Variants in SNX2 observed in about 807,000 individuals in gnomAD.
The protein encoded by SNX2 is sorting nexin 2.
In SNX2, 25 loss-of-function variants were observed where a neutral mutation model predicts 69.9. The observed-to-expected ratio is 0.36, with a 90% CI of 0.26 to 0.50. SNX2 has a LOEUF of 0.50. Ranked by LOEUF, SNX2 falls within the 20% of genes least tolerant of loss-of-function variation. The pLI is 0.97. For missense variants in SNX2, 551 were observed against 613.3 expected (o/e 0.90, Z 1.07); for synonymous variants, 229 against 200.4 (o/e 1.14, Z -1.20).
chr5:122,819,254 T>G (rs1753964352), intron 11 of SNX2, among the ~76,000 whole-genome samples: 1 of 152,192 alleles, frequency 6.6e-6, no homozygotes, highest in Admixed American at 6.5e-5. Flanking sequence ...ATAGAAAACA[T>G]TTATACATTT....
intron 1 of SNX2, among the ~76,000 whole-genome samples, chr5:122,782,000 A>C (rs780126154): frequency 6.6e-6 from 1 of 152,062 alleles, no homozygotes; most frequent in Non-Finnish European, 1.5e-5. Flanking sequence ...TGTCTTCGCA[A>C]CTCTACCACA....
chr5:122,789,056 T>C (rs1753152241), intron 1 of SNX2, among the ~76,000 whole-genome samples: 1 of 152,192 alleles, frequency 6.6e-6, no homozygotes, highest in Admixed American at 6.5e-5. Context: ...CTGGAGACTA[T>C]TGGGATTTTT....
At chr5:122,795,895 C>T (rs1308821619) in intron 2 of SNX2, among the ~76,000 whole-genome samples, 2 of 152,070 alleles carry the variant, frequency 1.3e-5, no homozygotes, top group Non-Finnish European at 2.9e-5. Context: ...TGGTGTAGTT[C>T]ATCCTAACTT....
At chr5:122,798,296 T>G (rs116620654) in intron 2 of SNX2, among the ~76,000 whole-genome samples, 1 of 152,328 alleles carries the variant, frequency 6.6e-6, no homozygotes, top group Non-Finnish European at 1.5e-5. Context: ...ATAGCCTGTT[T>G]CAACATATAT....
chr5:122,826,549 C>A, intron 12 of SNX2: 1 of 400,058 alleles, frequency 2.5e-6, no homozygotes, highest in Non-Finnish European at 3.4e-6. Context: ...CAACATTATC[C>A]CCCATATATA....
intron 1 of SNX2, among the ~76,000 whole-genome samples, chr5:122,788,277 A>T (rs754816626): frequency 1.3e-5 from 2 of 152,202 alleles, no homozygotes; most frequent in African/African-American, 2.4e-5. Flanking sequence ...CTGTAAAAAT[A>T]CGTTGTTTTT....
chr5:122,795,616 A>G (rs1753359652), intron 2 of SNX2: 1 of 353,802 alleles, frequency 2.8e-6, no homozygotes, highest in East Asian at 4.8e-5. Context: ...TAAATTGTAT[A>G]TTATAATTTG....
chr5:122,785,932 C>G (rs1345460183), intron 1 of SNX2, among the ~76,000 whole-genome samples: 2 of 152,140 alleles, frequency 1.3e-5, no homozygotes, highest in Non-Finnish European at 2.9e-5. Context: ...TACCTATTTA[C>G]TTGTTTTATC....
At chr5:122,776,647 T>G (rs889664064) in intron 1 of SNX2, among the ~76,000 whole-genome samples, 1 of 152,192 alleles carries the variant, frequency 6.6e-6, no homozygotes, top group Non-Finnish European at 1.5e-5. Context: ...AACATGTACA[T>G]GTGTTGAAAG....
intron 1 of SNX2, among the ~76,000 whole-genome samples, chr5:122,790,374 G>A (rs1383142460): frequency 1.3e-5 from 2 of 152,110 alleles, no homozygotes; most frequent in African/African-American, 4.8e-5. Flanking sequence ...ACCCACCTCA[G>A]CCTCCCAAAG....
At chr5:122,819,743 C>G (rs1753973107) in intron 11 of SNX2, among the ~76,000 whole-genome samples, 1 of 152,128 alleles carries the variant, frequency 6.6e-6, no homozygotes, top group African/African-American at 2.4e-5. Context: ...TTGAGGGGTA[C>G]TGGGTATTTA....
intron 12 of SNX2, among the ~76,000 whole-genome samples, chr5:122,827,058 A>AATTT (rs765405898): frequency 1.3e-5 from 2 of 152,100 alleles, no homozygotes; most frequent in Non-Finnish European, 2.9e-5. Flanking sequence ...TAGCACTGAT[A>AATTT]ATTTATTTTG....
chr5:122,827,237 T>C, intron 12 of SNX2, 142 bp from the exon 13 acceptor site: 1 of 645,314 alleles, frequency 1.5e-6, no homozygotes, highest in East Asian at 2.8e-5. Flanking sequence ...TTAAATGCAA[T>C]TTCTGTTGAT....
rs942997424 is a variant in SNX2 at position 122,775,342 on chromosome 5, C to A, written c.108+131C>A. 21 of 1,386,430 alleles carry A rather than the reference C, an allele frequency of 1.5e-5. No homozygotes were observed. The South Asian group carries it at 2.9e-4, about 19-fold the overall frequency. 85.9% of individuals were successfully genotyped at this position (1,386,430 alleles called of 1,614,324 possible). On this transcript the variant is annotated intron_variant, in intron 1 of 14. Coordinates refer to ENST00000379516, the MANE Select transcript of SNX2 (RefSeq NM_003100.4). Reference sequence around the variant, plus strand: ...CTTGGGGTGACACCTGTGACGCGAGCCCCACCTCCGGTGCCTGTCAGAGGG... The same window carrying A: ...CTTGGGGTGACACCTGTGACGCGAGACCCACCTCCGGTGCCTGTCAGAGGG...
chr5:122,795,877 G>C (rs1311485238), intron 2 of SNX2, among the ~76,000 whole-genome samples: 1 of 152,130 alleles, frequency 6.6e-6, no homozygotes, highest in Non-Finnish European at 1.5e-5. Flanking sequence ...TGATACAGGG[G>C]CAGGATTTGG....
At chr5:122,799,493 T>G (rs1903260) in intron 2 of SNX2, among the ~76,000 whole-genome samples, 199 bp from the exon 3 acceptor site, 1 of 152,112 alleles carries the variant, frequency 6.6e-6, no homozygotes, top group African/African-American at 2.4e-5. Context: ...CTTTCTAAAA[T>G]CAACAAAGTT....
intron 7 of SNX2, among the ~76,000 whole-genome samples, chr5:122,813,277 A>T (rs1406085963): frequency 6.6e-6 from 1 of 152,158 alleles, no homozygotes; most frequent in African/African-American, 2.4e-5. Flanking sequence ...AACATTATGT[A>T]AACATATATA....
At chr5:122,805,009 G>A (rs573748575) in intron 6 of SNX2, among the ~76,000 whole-genome samples, 3 of 151,972 alleles carry the variant, frequency 2.0e-5, no homozygotes, top group Admixed American at 6.6e-5. Context: ...GTGTGAGCTC[G>A]GCTCCATCAT....
At chr5:122,825,188 C>A (rs1381664011) in intron 11 of SNX2, among the ~76,000 whole-genome samples, 1 of 151,984 alleles carries the variant, frequency 6.6e-6, no homozygotes, top group Non-Finnish European at 1.5e-5. Context: ...TCCTGGTTCA[C>A]CCAATTTATT....
Sources: allele counts gnomAD v4.1 joint callset (sites outside exome capture counted in the v4.1 genomes callset), GRCh38; gene constraint gnomAD v4.1.1; transcripts MANE v1.5; gene names NCBI Gene and HGNC (gene_info 2026-07-23, HGNC 2026-07-21).